MEIS1: variants seen among roughly 807,000 people sequenced by gnomAD.
The protein encoded by MEIS1 is homeobox protein Meis1.
MEIS1 carries 5 observed loss-of-function variants against 50.8 expected under a neutral mutation model. That is an observed-to-expected ratio of 0.10 (90% confidence interval 0.05 to 0.21). The LOEUF (loss-of-function observed/expected upper bound fraction) is 0.21. Among genes scored for constraint, MEIS1 ranks in the 10% least tolerant of loss-of-function variants. MEIS1 has a pLI of 1.00. For synonymous variants in MEIS1, 176 were observed against 179.3 expected, an observed-to-expected ratio of 0.98 and a Z score of 0.15; for missense variants, 318 against 517.3, an observed-to-expected ratio of 0.61 and a Z score of 3.74.
chr2:66,465,990 A>T (rs954354192), intron 7 of MEIS1, among the ~76,000 whole-genome samples: 1 of 152,078 alleles, frequency 6.6e-6, no homozygotes, highest in Non-Finnish European at 1.5e-5. Flanking sequence ...GTTTCTTCCT[A>T]TATTTTTTCT....
chr2:66,487,308 C>T (rs1673166632), intron 7 of MEIS1, among the ~76,000 whole-genome samples: 1 of 152,122 alleles, frequency 6.6e-6, no homozygotes, highest in African/African-American at 2.4e-5. Context: ...TGTAACTCAC[C>T]ATTCCGTTTC....
chr2:66,445,572 C>T (rs1477284835), intron 6 of MEIS1, among the ~76,000 whole-genome samples: 3 of 152,198 alleles, frequency 2.0e-5, no homozygotes, highest in Admixed American at 6.5e-5. Flanking sequence ...GGGTGCGCTC[C>T]GGGACTGGGC....
chr2:66,460,796 A>T (rs1018709942), intron 6 of MEIS1, among the ~76,000 whole-genome samples: 54 of 152,160 alleles, frequency 3.5e-4, no homozygotes, highest in South Asian at 2.3e-3. Flanking sequence ...CCCTGTGAAC[A>T]TCTCCTAGAG....
At chr2:66,472,592 G>A (rs938719847) in intron 7 of MEIS1, among the ~76,000 whole-genome samples, 4 of 152,166 alleles carry the variant, frequency 2.6e-5, no homozygotes, top group African/African-American at 9.7e-5. Context: ...AGGGAGCCGT[G>A]AGTGTATTTA....
intron 8 of MEIS1, among the ~76,000 whole-genome samples, chr2:66,526,397 C>T (rs1474025511): frequency 6.6e-6 from 1 of 152,256 alleles, no homozygotes; most frequent in Non-Finnish European, 1.5e-5. Flanking sequence ...CATGGCAGGC[C>T]GGGCCTGGCC....
At chr2:66,451,777 C>T (rs1051726389) in intron 6 of MEIS1, among the ~76,000 whole-genome samples, 12 of 151,960 alleles carry the variant, frequency 7.9e-5, no homozygotes, top group Admixed American at 7.2e-4. Context: ...GTCTACAGAG[C>T]TTCAAAATGG....
chr2:66,475,264 A>G (rs1189291512), intron 7 of MEIS1, among the ~76,000 whole-genome samples: 1 of 132,136 alleles, frequency 7.6e-6, no homozygotes, highest in Non-Finnish European at 1.6e-5. Context: ...TAAAATAAAT[A>G]TATAATATAT....
chr2:66,542,687 T>C (rs1572892195), intron 8 of MEIS1, among the ~76,000 whole-genome samples: 1 of 152,306 alleles, frequency 6.6e-6, no homozygotes, highest in South Asian at 2.1e-4. Context: ...TAGCCTTCCA[T>C]TATCTCACCA....
chr2:66,458,300 G>A (rs974629424), intron 6 of MEIS1, among the ~76,000 whole-genome samples: 5 of 152,114 alleles, frequency 3.3e-5, no homozygotes, highest in Non-Finnish European at 2.9e-5. Context: ...TGATGAGGTG[G>A]GGAGGAACAA....
At chr2:66,439,754 T>A in intron 2 of MEIS1, 89 bp from the exon 3 acceptor site, 8 of 1,604,670 alleles carry the variant, frequency 5.0e-6, no homozygotes, top group Non-Finnish European at 6.0e-6. Flanking sequence ...CTGTTCCTCT[T>A]GCTCCTCCAG....
intron 8 of MEIS1, among the ~76,000 whole-genome samples, chr2:66,538,177 A>G (rs1346712999): frequency 6.6e-6 from 1 of 152,206 alleles, no homozygotes; most frequent in Admixed American, 6.5e-5. Context: ...TTATAAATTG[A>G]CGCTAAGAAA....
At chr2:66,465,688 T>C (rs532431418) in intron 7 of MEIS1, among the ~76,000 whole-genome samples, 1 of 152,232 alleles carries the variant, frequency 6.6e-6, no homozygotes, top group Non-Finnish European at 1.5e-5. Context: ...TCAAAACTTA[T>C]ATCATCTGAG....
At chr2:66,438,626 TC>T (rs1671862483) in intron 2 of MEIS1, among the ~76,000 whole-genome samples, 1 of 152,216 alleles carries the variant, frequency 6.6e-6, no homozygotes, top group Non-Finnish European at 1.5e-5. Flanking sequence ...TTCGGGGTGC[TC>T]TTCCTCGGAG....
intron 7 of MEIS1, among the ~76,000 whole-genome samples, chr2:66,503,541 A>G (rs1673608324): frequency 6.6e-6 from 1 of 152,142 alleles, no homozygotes; most frequent in Non-Finnish European, 1.5e-5. Context: ...GCAGTTGTAC[A>G]TTTATTACTG....
intron 2 of MEIS1, 22 bp from the exon 3 acceptor site, chr2:66,439,821 T>C: frequency 1.9e-6 from 3 of 1,611,080 alleles, no homozygotes; most frequent in Non-Finnish European, 2.5e-6. Context: ...ATGTTGTTTG[T>C]GACTGTTGTA....
intron 7 of MEIS1, among the ~76,000 whole-genome samples, chr2:66,473,397 A>AAAAAAAAAAAAAAAAAAAATATATAT: frequency 9.3e-6 from 1 of 107,614 alleles, no homozygotes; most frequent in African/African-American, 5.8e-5. Flanking sequence ...AAAAAAAAAA[A>AAAAAAAAAAAAAAAAAAAATATATAT]ATATATATAT....
chr2:66,494,916 A>G (rs1673360811), intron 7 of MEIS1, among the ~76,000 whole-genome samples: 1 of 152,016 alleles, frequency 6.6e-6, no homozygotes, highest in African/African-American at 2.4e-5. Flanking sequence ...AAGTAGGGGA[A>G]CTTGGAAAGA....
At chr2:66,519,006 T>A (rs1572872222) in intron 8 of MEIS1, among the ~76,000 whole-genome samples, 1 of 152,324 alleles carries the variant, frequency 6.6e-6, no homozygotes, top group Non-Finnish European at 1.5e-5. Flanking sequence ...CATGCTAAAG[T>A]GTGAGTATAA....
intron 7 of MEIS1, among the ~76,000 whole-genome samples, chr2:66,468,163 C>T (rs1004321046): frequency 6.6e-6 from 1 of 152,090 alleles, no homozygotes; most frequent in African/African-American, 2.4e-5. Flanking sequence ...ACGGGAGGTA[C>T]ATGATGGCAG....
Sources: gnomAD v4.1 joint callset for allele counts (sites outside exome capture counted in the v4.1 genomes callset) on GRCh38, gnomAD v4.1.1 for gene constraint, MANE v1.5 for transcripts, NCBI Gene and HGNC (gene_info 2026-07-23, HGNC 2026-07-21) for gene names.